The following ZAN variants were observed in gnomAD, a reference collection of about 807,000 sequenced individuals.
The protein encoded by ZAN is zonadhesin (gene/pseudogene).
In ZAN, 260 loss-of-function variants were observed where a neutral mutation model predicts 286.2. The ratio of observed to expected loss-of-function variants is 0.91; its 90% confidence interval spans 0.82 to 1.01. The LOEUF is 1.01. Among genes scored for constraint, ZAN ranks in the 50% least tolerant of loss-of-function variants. ZAN has a pLI of 0.00. For synonymous variants in ZAN, 1,368 were observed against 1,417.5 expected (o/e 0.97, Z 0.79); for missense variants, 3,410 against 3,639.2 (o/e 0.94, Z 1.62).
intron 2 of ZAN, among the ~76,000 whole-genome samples, chr7:100,735,079 G>C (rs1379571464): frequency 7.2e-6 from 1 of 139,712 alleles, no homozygotes; most frequent in Admixed American, 7.2e-5. Flanking sequence ...AGCTACTTGG[G>C]AGGCTGAGGC....
At chr7:100,769,740 T>G (rs1184907035) in intron 27 of ZAN, 140 bp from the exon 28 acceptor site, 1 of 669,656 alleles carries the variant, frequency 1.5e-6, no homozygotes, top group Non-Finnish European at 2.5e-6. Context: ...AGAGATAGGA[T>G]CTCACTATGT....
At chr7:100,755,664 C>G (rs529820798) in intron 15 of ZAN, among the ~76,000 whole-genome samples, 1 of 152,136 alleles carries the variant, frequency 6.6e-6, no homozygotes, top group Admixed American at 6.6e-5. Flanking sequence ...CTCCACTTCC[C>G]GGGCTCCAGT....
Position 100,748,235 on chromosome 7 carries a change from G to T in ZAN, c.1102+20G>T. The stretch of plus-strand genomic sequence containing the variant: ...GTGGGGGTGAGAGCAGGCCCTGAGA[G>T]GCCCGGATCTCTCAGAATCCGGGGT... On this transcript the variant is annotated intron_variant, in intron 10 of 47. Coordinates refer to ENST00000613979, the MANE Select transcript of ZAN (RefSeq NM_003386.3). 2 of 1,613,892 alleles carry T rather than the reference G, an allele frequency of 1.2e-6. No individual in the cohort carries two copies. The highest frequency in any genetic ancestry group is 1.7e-6 in the Non-Finnish European group (2 of 1,179,830).
rs771487065 is a variant in ZAN at position 100,748,431 on chromosome 7, G to A, written c.1210G>A (p.Val404Ile). ...HWALGHKNGP[V>I]HGMGPAGGFP... Reference sequence around the variant, plus strand: ...GGCCCTCGGACATAAAAATGGACCCGTCCATGGCATGGGCCCTGCGGGAGG... The same window carrying A: ...GGCCCTCGGACATAAAAATGGACCCATCCATGGCATGGGCCCTGCGGGAGG... The change falls in exon 11 of 48, where the codon GTC (valine) becomes ATC (isoleucine). Residue 404 changes from valine to isoleucine, a missense_variant. By Grantham distance (29) the Val-to-Ile change is conservative. Transcript: ENST00000613979. The A allele has an allele frequency of 3.5e-5, 56 of 1,613,742 alleles. No homozygotes were observed. Among genetic ancestry groups the A allele is most frequent in the South Asian group, 3.3e-4 (30 of 91,038 alleles).
intron 34 of ZAN, among the ~76,000 whole-genome samples, chr7:100,778,099 G>C (rs1810942128): frequency 6.6e-6 from 1 of 151,138 alleles, no homozygotes; most frequent in Admixed American, 6.6e-5. Context: ...CCAGGAGTTT[G>C]AGACCAGCCT....
Position 100,752,500 on chromosome 7 carries a change from G to A in ZAN, c.2395G>A (p.Glu799Lys). The A allele has an allele frequency of 6.2e-7, 1 of 1,610,276 alleles. No individual in the cohort carries two copies. Among genetic ancestry groups the A allele is most frequent in the Non-Finnish European group, 8.5e-7 (1 of 1,179,044 alleles). ...IPTEKPTIST[E>K]EPTTPTEETT... ...CACAGAAAAACCCACCATCTCCACA[G>A]AAGAGCCCACCACCCCCACTGAGGA... Residue 799 changes from glutamate to lysine, a missense_variant, in exon 14 of 48, where the codon GAA (glutamate) becomes AAA (lysine). Around this residue, in one of 7 missense-constraint regions of ZAN, gnomAD observed 90 missense variants for 87.1 expected, o/e 1.03. Transcript: ENST00000613979.
Position 100,775,595 on chromosome 7 carries a change from C to CG in ZAN, c.6027+24dup, listed in dbSNP as rs759348190. On this transcript the variant is annotated intron_variant, in intron 32 of 47. Coordinates refer to ENST00000613979, the MANE Select transcript of ZAN (RefSeq NM_003386.3). ...GTGCTAGTGAGCTGGGTGTGGTGACCGGGGCTGGGAGGGAGTGCTGGGGAG... is the reference window on the plus strand; with the variant it reads ...GTGCTAGTGAGCTGGGTGTGGTGACCGGGGGCTGGGAGGGAGTGCTGGGGAG... The CG allele has an allele frequency of 2.4e-5, 39 of 1,611,864 alleles. 2 individuals are homozygous for CG. In the South Asian group the frequency reaches 4.2e-4, roughly 17 times the overall value.
intron 31 of ZAN, among the ~76,000 whole-genome samples, chr7:100,774,944 G>T (rs1457561344): frequency 6.6e-6 from 1 of 151,274 alleles, no homozygotes; most frequent in African/African-American, 2.4e-5. Context: ...TTGTTTGTTT[G>T]TTTTTGATGC....
At chr7:100,786,266 A>G (rs1272522124) in intron 37 of ZAN, 125 bp downstream of exon 37, 2 of 1,421,994 alleles carry the variant, frequency 1.4e-6, no homozygotes, top group Non-Finnish European at 1.9e-6. Flanking sequence ...GGGGCGGGCG[A>G]CTGGATCAGG....
At position 100,754,230 on chromosome 7, in the gene ZAN, G is replaced by A. The variant is rs182330382; in HGVS notation, c.3125-996G>A. On this transcript the variant is annotated intron_variant, in intron 14 of 47. Transcript: ENST00000613979. ...TCCCAACACTTTGGGAGGCTGAGGC[G>A]GGCAGATCACAAGGTCAGGAGATCG... Among the ~76,000 whole-genome samples the A allele has an allele frequency of 7.3e-3, 1,115 of 152,130 alleles. 19 individuals carry two copies. Among genetic ancestry groups the A allele is most frequent in the African/African-American group, 0.025 (1,043 of 41,528 alleles).
intron 37 of ZAN, among the ~76,000 whole-genome samples, chr7:100,786,749 T>C (rs1455361805): frequency 2.0e-5 from 3 of 150,994 alleles, no homozygotes; most frequent in Non-Finnish European, 1.5e-5. Context: ...ATAGAGAAAA[T>C]TGAAGATCAA....
chr7:100,755,160 A>G, intron 14 of ZAN, 66 bp from the exon 15 acceptor site: 2 of 1,510,342 alleles, frequency 1.3e-6, no homozygotes, highest in Non-Finnish European at 1.8e-6. Flanking sequence ...GGGGTAGAGG[A>G]GAGACAGGGA....
chr7:100,750,506 G>C (rs3847057), intron 11 of ZAN, 119 bp from the exon 12 acceptor site: 7 of 1,232,958 alleles, frequency 5.7e-6, no homozygotes, highest in Non-Finnish European at 7.9e-6. Context: ...ATAATGCTAC[G>C]ACCTGGGAAA....
intron 29 of ZAN, among the ~76,000 whole-genome samples, chr7:100,772,866 T>G (rs574483220): frequency 3.1e-4 from 47 of 150,610 alleles, no homozygotes; most frequent in African/African-American, 9.5e-4. Context: ...TCTGTTTTTT[T>G]TTTGTTTGTT....
At position 100,785,995 on chromosome 7, in the gene ZAN, A is replaced by G; in HGVS notation, c.6835-2A>G. The G allele has an allele frequency of 4.3e-6, 7 of 1,613,080 alleles. No homozygotes were observed. Among genetic ancestry groups the G allele is most frequent in the Non-Finnish European group, 5.9e-6 (7 of 1,179,588 alleles). ...CTCTTTCTCTTCCTGTAACTTCTAC[A>G]GCTGGGCAAGAGCTGGGTCTCCAGC... On this transcript the variant is annotated splice_acceptor_variant, in intron 36 of 47. Coordinates refer to ENST00000613979, the MANE Select transcript of ZAN (RefSeq NM_003386.3). LOFTEE classifies it high-confidence loss of function.
chr7:100,797,115 G>A (rs906162986), intron 45 of ZAN, among the ~76,000 whole-genome samples: 8 of 152,086 alleles, frequency 5.3e-5, no homozygotes, highest in Admixed American at 3.9e-4. Context: ...ACTCCAGCCT[G>A]AGCAATAGAG....
At chr7:100,736,695 T>C (rs1807319255) in intron 4 of ZAN, 66 bp downstream of exon 4, 1 of 1,497,290 alleles carries the variant, frequency 6.7e-7, no homozygotes, top group Non-Finnish European at 9.1e-7. Context: ...AGTGGCTAGA[T>C]GGAGAGAGAA....
At chr7:100,785,221 GC>G (rs1460176302) in intron 36 of ZAN, among the ~76,000 whole-genome samples, 1 of 126,750 alleles carries the variant, frequency 7.9e-6, no homozygotes, top group Non-Finnish European at 1.6e-5. Context: ...CAAACACAGT[GC>G]CTTTTTTTTT....
At chr7:100,755,703 C>T (rs1809099156) in intron 15 of ZAN, among the ~76,000 whole-genome samples, 1 of 152,114 alleles carries the variant, frequency 6.6e-6, no homozygotes, top group African/African-American at 2.4e-5. Context: ...TCCCAAGTAG[C>T]TGGGACTGCA....
Sources: gnomAD v4.1 joint callset for allele counts (sites outside exome capture counted in the v4.1 genomes callset) on GRCh38, gnomAD v4.1.1 for gene constraint, gnomAD v4.1.1 regional missense constraint, MANE v1.5 for transcripts, NCBI Gene and HGNC (gene_info 2026-07-23, HGNC 2026-07-21) for gene names.